The following MKLN1 variants were observed in gnomAD, a reference collection of about 807,000 sequenced individuals.
MKLN1 encodes the protein muskelin 1.
MKLN1 carries 18 observed loss-of-function variants against 99.0 expected under a neutral mutation model. That is an observed-to-expected ratio of 0.18 (90% confidence interval 0.13 to 0.27). The LOEUF is 0.27. Among genes scored for constraint, MKLN1 ranks in the 10% least tolerant of loss-of-function variants. The pLI is 1.00. For synonymous variants in MKLN1, 288 were observed against 293.2 expected (o/e 0.98, Z 0.18); for missense variants, 621 against 875.9 (o/e 0.71, Z 3.67).
At chr7:131,110,984 A>T (rs963562280) in intron 1 of MKLN1, among the ~76,000 whole-genome samples, 1 of 152,136 alleles carries the variant, frequency 6.6e-6, no homozygotes, top group African/African-American at 2.4e-5. Flanking sequence ...GAAACCTACA[A>T]CTGAGAGCAG....
intron 3 of MKLN1, among the ~76,000 whole-genome samples, chr7:131,302,935 T>C (rs1798396865): frequency 6.6e-6 from 1 of 152,170 alleles, no homozygotes. Flanking sequence ...CTACAATCTG[T>C]ATCGTTTGTG....
At chr7:131,133,124 T>G (rs893802025) in intron 1 of MKLN1, among the ~76,000 whole-genome samples, 1 of 151,606 alleles carries the variant, frequency 6.6e-6, no homozygotes, top group African/African-American at 2.4e-5. Flanking sequence ...AGCTGTCTTG[T>G]GGGGTAGCAG....
At chr7:131,311,579 T>C (rs1032767276) in intron 3 of MKLN1, among the ~76,000 whole-genome samples, 4 of 152,220 alleles carry the variant, frequency 2.6e-5, no homozygotes, top group Non-Finnish European at 4.4e-5. Context: ...GAGGTTCCTT[T>C]TGGAAAATAC....
intron 1 of MKLN1, among the ~76,000 whole-genome samples, chr7:131,122,325 C>G (rs758126347): frequency 6.6e-6 from 1 of 152,216 alleles, no homozygotes; most frequent in Non-Finnish European, 1.5e-5. Context: ...TAAGGAGGTT[C>G]TTTCTGCTCC....
chr7:131,276,564 A>G (rs1388010426), intron 3 of MKLN1, among the ~76,000 whole-genome samples: 1 of 152,152 alleles, frequency 6.6e-6, no homozygotes, highest in Non-Finnish European at 1.5e-5. Context: ...AGTGTGGTTC[A>G]CCATTTTTCT....
intron 1 of MKLN1, among the ~76,000 whole-genome samples, chr7:131,350,346 C>A (rs76207829): frequency 8.5e-5 from 13 of 152,078 alleles, no homozygotes; most frequent in South Asian, 4.2e-4. Context: ...AGGCATGAGC[C>A]GCTGCACCTG....
intron 2 of MKLN1, among the ~76,000 whole-genome samples, chr7:131,182,644 A>G (rs1796392376): frequency 6.6e-6 from 1 of 152,230 alleles, no homozygotes; most frequent in African/African-American, 2.4e-5. Context: ...CAAATAGAGA[A>G]TAAAGACTTA....
At position 131,283,040 on chromosome 7, in the gene MKLN1, A is replaced by C. The variant is rs139025599; in HGVS notation, c.-179+80066A>C. ...GGGAGGGGAATTGGGCCTGTGCAAC[A>C]GCTCCTCCGTTCATGAACAGCATCT... On this transcript the variant is annotated intron_variant, in intron 3 of 7. Coordinates refer to the MKLN1 transcript ENST00000416992. Among the ~76,000 whole-genome samples the C allele has an allele frequency of 4.9e-3, 747 of 152,302 alleles. 1 individual carries two copies. Among genetic ancestry groups the C allele is most frequent in the Middle Eastern group, 0.01 (3 of 294 alleles).
chr7:131,419,532 G>A (rs949491723), intron 8 of MKLN1, among the ~76,000 whole-genome samples: 5 of 152,048 alleles, frequency 3.3e-5, no homozygotes, highest in African/African-American at 7.2e-5. Flanking sequence ...ATGAGCCATC[G>A]TGCCTGGCCT....
rs34147407 is a variant in MKLN1, at chr7:131,311,829, A to AT, written c.-178-63583dup. On this transcript the variant is annotated intron_variant, in intron 3 of 7. Transcript: ENST00000416992. ...GAGACCAACAGAATCTCTCTTTCCC[A>AT]TTTTTTTTTTTTACTTAAAAGGTGA... 7.0e-3 allele frequency among the ~76,000 whole-genome samples: 1,031 copies of AT among 148,334 alleles called. 12 individuals are homozygous for AT. In the Middle Eastern group the frequency reaches 0.073, roughly 11 times the overall value.
intron 3 of MKLN1, among the ~76,000 whole-genome samples, chr7:131,319,776 G>T (rs1377594341): frequency 6.6e-6 from 1 of 151,888 alleles, no homozygotes; most frequent in Non-Finnish European, 1.5e-5. Context: ...AAGCATTCCT[G>T]TACACCAATC....
chr7:131,139,358 T>A (rs905418347), intron 1 of MKLN1, among the ~76,000 whole-genome samples: 1 of 151,744 alleles, frequency 6.6e-6, no homozygotes, highest in African/African-American at 2.4e-5. Flanking sequence ...TCCCCTCTCA[T>A]TCAAACCCCT....
chr7:131,364,744 A>C (rs550356558), intron 1 of MKLN1, among the ~76,000 whole-genome samples: 2 of 152,240 alleles, frequency 1.3e-5, no homozygotes, highest in African/African-American at 4.8e-5. Flanking sequence ...TGCTGAGGAT[A>C]ATAGTCTCCA....
intron 3 of MKLN1, among the ~76,000 whole-genome samples, chr7:131,224,241 A>G (rs1264233406): frequency 6.6e-6 from 1 of 152,246 alleles, no homozygotes; most frequent in African/African-American, 2.4e-5. Context: ...TGGTTTCTAT[A>G]CAAAAATTTA....
intron 13 of MKLN1, among the ~76,000 whole-genome samples, chr7:131,463,807 A>G (rs1385426722): frequency 6.6e-6 from 1 of 152,224 alleles, no homozygotes; most frequent in African/African-American, 2.4e-5. Flanking sequence ...TGCTTTGGGA[A>G]AACATGGATC....
intron 9 of MKLN1, among the ~76,000 whole-genome samples, chr7:131,437,394 A>C (rs1180364882): frequency 6.6e-6 from 1 of 152,218 alleles, no homozygotes; most frequent in East Asian, 1.9e-4. Context: ...AAAAATGTTC[A>C]TAAAGACCAA....
intron 17 of MKLN1, among the ~76,000 whole-genome samples, chr7:131,486,459 C>T (rs1054417926): frequency 6.6e-6 from 1 of 152,050 alleles, no homozygotes. Flanking sequence ...ATGTGCTGTT[C>T]TTGAGGTATT....
At chr7:131,333,221 G>A (rs1799131304) in intron 1 of MKLN1, among the ~76,000 whole-genome samples, 1 of 151,820 alleles carries the variant, frequency 6.6e-6, no homozygotes, top group Non-Finnish European at 1.5e-5. Context: ...ACCATGCCCA[G>A]CCAACCATGC....
At chr7:131,317,086 A>C (rs1291378033) in intron 3 of MKLN1, among the ~76,000 whole-genome samples, 1 of 152,234 alleles carries the variant, frequency 6.6e-6, no homozygotes, top group Non-Finnish European at 1.5e-5. Context: ...CAACATTCAA[A>C]TTCAGGAAAT....
Sources: allele counts gnomAD v4.1 joint callset (sites outside exome capture counted in the v4.1 genomes callset), GRCh38; gene constraint gnomAD v4.1.1; transcripts MANE v1.5; gene names NCBI Gene and HGNC (gene_info 2026-07-23, HGNC 2026-07-21).